The following PPP4R4 variants were observed in gnomAD, a reference collection of about 807,000 sequenced individuals.
PPP4R4 encodes protein phosphatase 4 regulatory subunit 4.
Under a neutral mutation model 121.8 loss-of-function variants are expected in PPP4R4, and 70 were observed. That is an observed-to-expected ratio of 0.57 (90% CI 0.47 to 0.70). The LOEUF is 0.70. PPP4R4 is among the 30% of genes least tolerant of loss of function. The pLI, the probability that PPP4R4 is intolerant of heterozygous loss-of-function variation, is 0.00. For synonymous variants in PPP4R4, 348 were observed against 355.7 expected, an observed-to-expected ratio of 0.98 and a Z score of 0.24; for missense variants, 875 against 1,033.6, an observed-to-expected ratio of 0.85 and a Z score of 2.10.
At chr14:94,259,927 G>A (rs201046918) in intron 19 of PPP4R4, among the ~76,000 whole-genome samples, 13 of 152,014 alleles carry the variant, frequency 8.6e-5, no homozygotes, top group East Asian at 3.9e-4. Flanking sequence ...TCTATATTTC[G>A]GATATATCAC....
rs200745213 is a variant in PPP4R4 at position 94,223,561 on chromosome 14, C to T, written c.295-7026C>T. Among the ~76,000 whole-genome samples, 5 of 152,288 alleles carry T rather than the reference C, an allele frequency of 3.3e-5. No individual in the cohort carries two copies. The East Asian group carries it at 9.7e-4, about 29-fold the overall frequency. On this transcript the variant is annotated intron_variant, in intron 3 of 24. Coordinates refer to ENST00000304338, the MANE Select transcript of PPP4R4 (RefSeq NM_058237.2). ...GACCCTCTTCTAGAATCAGCAAATA[C>T]CCCCAGGCCCAAAGCAGGCCCCAAA...
chr14:94,234,464 T>A, intron 6 of PPP4R4, 98 bp from the exon 7 acceptor site: 1 of 716,818 alleles, frequency 1.4e-6, no homozygotes, highest in South Asian at 1.9e-5. Flanking sequence ...AGTACATTTG[T>A]TATTATTAAG....
chr14:94,245,459 A>G (rs528017613), intron 12 of PPP4R4, 128 bp from the exon 13 acceptor site: 2 of 474,750 alleles, frequency 4.2e-6, no homozygotes, highest in South Asian at 6.4e-5. Flanking sequence ...GTAAGAAAAT[A>G]CAAATCCTCA....
chr14:94,218,776 A>G (rs1320066274), intron 3 of PPP4R4, among the ~76,000 whole-genome samples: 2 of 151,982 alleles, frequency 1.3e-5, no homozygotes, highest in Non-Finnish European at 2.9e-5. Flanking sequence ...ACCCCTAGAT[A>G]CCTCATAAAC....
chr14:94,212,611 T>A (rs1890801579), intron 3 of PPP4R4, among the ~76,000 whole-genome samples: 1 of 152,162 alleles, frequency 6.6e-6, no homozygotes, highest in South Asian at 2.1e-4. Context: ...ATATTCATGT[T>A]ACATGATTTA....
chr14:94,190,657 G>A (rs1262444541), intron 2 of PPP4R4, among the ~76,000 whole-genome samples: 1 of 152,068 alleles, frequency 6.6e-6, no homozygotes, highest in Non-Finnish European at 1.5e-5. Flanking sequence ...AATTTTTACT[G>A]CTATTTGTTA....
chr14:94,196,782 G>T (rs1203337587), intron 2 of PPP4R4, among the ~76,000 whole-genome samples: 1 of 151,370 alleles, frequency 6.6e-6, no homozygotes, highest in Non-Finnish European at 1.5e-5. Flanking sequence ...TCATAATTAC[G>T]ATTCATGTGT....
chr14:94,227,541 A>G (rs1322698048), intron 3 of PPP4R4: 35 of 1,324,416 alleles, frequency 2.6e-5, no homozygotes, highest in Non-Finnish European at 1.9e-6. Flanking sequence ...AAATCCTGAT[A>G]AGACTTGAGG....
chr14:94,203,901 A>G (rs1416412202), intron 2 of PPP4R4, among the ~76,000 whole-genome samples: 4 of 152,092 alleles, frequency 2.6e-5, no homozygotes, highest in Non-Finnish European at 4.4e-5. Context: ...TTTTATTACT[A>G]TTGAGTTTTG....
At position 94,240,758 on chromosome 14, in the gene PPP4R4, A is replaced by G. The variant is rs1176646108; in HGVS notation, c.939A>G (p.Leu313=). The change falls in exon 9 of 25, where the codon TTA becomes TTG. Residue 313 remains leucine (L), a synonymous_variant. Coordinates refer to ENST00000304338, the MANE Select transcript of PPP4R4 (RefSeq NM_058237.2). ...FKADESILIS[L]SFHLGKLCHG... is the part of the protein sequence containing the mutation. The stretch of plus-strand genomic sequence containing the variant: ...CAGATGAATCAATTCTTATTTCTTT[A>G]TCTTTCCATTTAGGAAAACTATGTC... The G allele has an allele frequency of 6.2e-7, 1 of 1,606,062 alleles. No individual in the cohort carries two copies.
At chr14:94,245,011 TTTG>T (rs1476520931) in intron 12 of PPP4R4, among the ~76,000 whole-genome samples, 1 of 152,158 alleles carries the variant, frequency 6.6e-6, no homozygotes, top group Non-Finnish European at 1.5e-5. Context: ...ACTGTTACTA[TTTG>T]TTTTCTTTTT....
intron 20 of PPP4R4, 101 bp from the exon 21 acceptor site, chr14:94,265,286 C>A: frequency 1.2e-6 from 1 of 804,888 alleles, no homozygotes; most frequent in Non-Finnish European, 2.1e-6. Flanking sequence ...AGCTGCTTAG[C>A]TAGGGATAGT....
chr14:94,277,538 A>G (rs1299518083), intron 24 of PPP4R4, among the ~76,000 whole-genome samples: 2 of 152,176 alleles, frequency 1.3e-5, no homozygotes, highest in Non-Finnish European at 2.9e-5. Context: ...TCCTCTGAAA[A>G]GATTGCCCTG....
intron 2 of PPP4R4, among the ~76,000 whole-genome samples, chr14:94,199,465 G>A (rs775709609): frequency 2.0e-5 from 3 of 152,148 alleles, no homozygotes; most frequent in Non-Finnish European, 4.4e-5. Flanking sequence ...TTTGCTGTCC[G>A]TAGGCGGCTT....
intron 2 of PPP4R4, among the ~76,000 whole-genome samples, chr14:94,196,354 C>T (rs1889876348): frequency 7.9e-6 from 1 of 127,088 alleles, no homozygotes; most frequent in East Asian, 2.2e-4. Flanking sequence ...ATTCTGTCGT[C>T]CAGGCTGGAG....
At chr14:94,227,950 A>C in intron 3 of PPP4R4, 1 of 875,658 alleles carries the variant, frequency 1.1e-6, no homozygotes, top group Non-Finnish European at 1.4e-6. Context: ...CACTAAAACA[A>C]AGGGGTATGG....
chr14:94,249,674 G>A (rs1893078791), intron 14 of PPP4R4, among the ~76,000 whole-genome samples: 1 of 152,004 alleles, frequency 6.6e-6, no homozygotes, highest in Non-Finnish European at 1.5e-5. Context: ...GATTGACATG[G>A]TGTCCTTTGG....
intron 17 of PPP4R4, among the ~76,000 whole-genome samples, chr14:94,257,913 A>T (rs1351920605): frequency 6.6e-6 from 1 of 152,140 alleles, no homozygotes; most frequent in Admixed American, 6.5e-5. Context: ...TATTTTCAGT[A>T]TGCTGCATAT....
chr14:94,196,635 A>T (rs1238849640), intron 2 of PPP4R4, among the ~76,000 whole-genome samples: 3 of 151,530 alleles, frequency 2.0e-5, no homozygotes, highest in African/African-American at 7.3e-5. Flanking sequence ...TTATTTAAAA[A>T]TTTTTCTTCT....
Sources: gnomAD v4.1 joint callset for allele counts (sites outside exome capture counted in the v4.1 genomes callset) on GRCh38, gnomAD v4.1.1 for gene constraint, MANE v1.5 for transcripts, NCBI Gene and HGNC (gene_info 2026-07-23, HGNC 2026-07-21) for gene names.